NFIA: variants seen among roughly 807,000 people sequenced by gnomAD.
NFIA encodes the protein nuclear factor I A.
NFIA carries 8 observed loss-of-function variants against 62.8 expected under a neutral mutation model. That is an observed-to-expected ratio of 0.13 (90% CI 0.07 to 0.23). NFIA has a LOEUF of 0.23. Among genes scored for constraint, NFIA ranks in the 10% least tolerant of loss-of-function variants. The pLI is 1.00. For synonymous variants in NFIA, 235 were observed against 238.1 expected, an observed-to-expected ratio of 0.99 and a Z score of 0.12; for missense variants, 410 against 642.1, an observed-to-expected ratio of 0.64 and a Z score of 3.91.
At chr1:61,122,818 G>A (rs1156565836) in intron 2 of NFIA, among the ~76,000 whole-genome samples, 1 of 152,094 alleles carries the variant, frequency 6.6e-6, no homozygotes, top group Non-Finnish European at 1.5e-5. Flanking sequence ...GTGCAGGTTT[G>A]TTTCATAGGT....
chr1:61,181,376 C>T (rs767419579), intron 2 of NFIA, among the ~76,000 whole-genome samples: 2 of 152,178 alleles, frequency 1.3e-5, no homozygotes, highest in Non-Finnish European at 2.9e-5. Flanking sequence ...GAGGGAATTG[C>T]AAATAACATG....
chr1:61,196,288 G>C (rs1253638554), intron 2 of NFIA, among the ~76,000 whole-genome samples: 1 of 152,054 alleles, frequency 6.6e-6, no homozygotes, highest in East Asian at 1.9e-4. Flanking sequence ...TTTTTGCAGG[G>C]CAAAAATTTG....
intron 2 of NFIA, among the ~76,000 whole-genome samples, chr1:61,215,731 C>T (rs931213399): frequency 6.6e-6 from 1 of 152,160 alleles, no homozygotes; most frequent in Admixed American, 6.5e-5. Flanking sequence ...CTGTGGAAAT[C>T]AGCTAACTAC....
chr1:61,454,746 A>T (rs935753772), intron 10 of NFIA, among the ~76,000 whole-genome samples: 11 of 152,088 alleles, frequency 7.2e-5, no homozygotes, highest in Non-Finnish European at 1.3e-4. Context: ...ACCTCCACTT[A>T]TTCTTGTGTC....
At chr1:61,133,270 G>GTT (rs932007932) in intron 2 of NFIA, among the ~76,000 whole-genome samples, 1 of 146,032 alleles carries the variant, frequency 6.8e-6, no homozygotes, top group African/African-American at 2.5e-5. Flanking sequence ...AGTGGCTGGA[G>GTT]TTTTTTTTTT....
chr1:61,440,530 AGAGT>A, intron 10 of NFIA, among the ~76,000 whole-genome samples: 1 of 152,354 alleles, frequency 6.6e-6, no homozygotes, highest in South Asian at 2.1e-4. Context: ...TTTAAGATGA[AGAGT>A]GAGTGGCACT....
intron 6 of NFIA, among the ~76,000 whole-genome samples, chr1:61,370,809 T>C (rs1327098734): frequency 6.6e-6 from 1 of 152,174 alleles, no homozygotes; most frequent in Non-Finnish European, 1.5e-5. Context: ...ATCTTGTTCC[T>C]CATTTTGAAG....
At chr1:61,104,779 T>C (rs192988263) in intron 2 of NFIA, among the ~76,000 whole-genome samples, 181 of 152,034 alleles carry the variant, frequency 1.2e-3, no homozygotes, top group South Asian at 1.9e-3. Flanking sequence ...AAAACTAAGA[T>C]CTTAAAATTA....
intron 2 of NFIA, among the ~76,000 whole-genome samples, chr1:61,231,823 C>T (rs190154692): frequency 6.6e-6 from 1 of 151,546 alleles, no homozygotes; most frequent in Non-Finnish European, 1.5e-5. Context: ...CTGGGTAACA[C>T]AGAGAGACCA....
intron 4 of NFIA, among the ~76,000 whole-genome samples, chr1:61,344,536 G>A (rs1217184863): frequency 6.6e-6 from 1 of 152,146 alleles, no homozygotes; most frequent in Non-Finnish European, 1.5e-5. Flanking sequence ...ATTCCTCGGT[G>A]GCCATACAGA....
chr1:61,384,058 C>T (rs962309644), intron 7 of NFIA, among the ~76,000 whole-genome samples: 1 of 152,196 alleles, frequency 6.6e-6, no homozygotes, highest in Non-Finnish European at 1.5e-5. Context: ...CAGCAAATCA[C>T]TTAACTTGAT....
chr1:61,226,448 C>T (rs2100624681), intron 2 of NFIA, among the ~76,000 whole-genome samples: 1 of 152,248 alleles, frequency 6.6e-6, no homozygotes, highest in African/African-American at 2.4e-5. Context: ...ATTAGGAATT[C>T]ATAGTCACCT....
At position 61,413,615 on chromosome 1, in the gene NFIA, C is replaced by CTT. The variant is rs869258274; in HGVS notation, c.1420+6916_1420+6917dup. Reference sequence around the variant, plus strand: ...AAATTAACAACAACAAAGTATTTTGCTTTTTTTTTTTTTTTTTTTTTTTTT... The same window carrying CTT: ...AAATTAACAACAACAAAGTATTTTGCTTTTTTTTTTTTTTTTTTTTTTTTTTT... On this transcript the variant is annotated intron_variant, in intron 9 of 10. Transcript: ENST00000403491. Among the ~76,000 whole-genome samples, 19 of 68,374 alleles carry CTT rather than the reference C, an allele frequency of 2.8e-4. 1 individual carries two copies. Among genetic ancestry groups the CTT allele is most frequent in the Non-Finnish European group, 3.8e-4 (15 of 39,308 alleles). The allele number at this position is 68,374 out of a possible 152,430, so 44.9% of individuals were successfully genotyped here. A position where few individuals can be genotyped will look rare whatever the true frequency, so the allele number is the denominator to read the frequency against.
intron 2 of NFIA, among the ~76,000 whole-genome samples, chr1:61,190,028 T>C (rs1308699386): frequency 6.6e-6 from 1 of 152,244 alleles, no homozygotes; most frequent in South Asian, 2.1e-4. Context: ...TGAAATTAAA[T>C]GTGATATTAA....
intron 9 of NFIA, among the ~76,000 whole-genome samples, chr1:61,425,176 G>T (rs1666810562): frequency 6.6e-6 from 1 of 152,170 alleles, no homozygotes; most frequent in African/African-American, 2.4e-5. Flanking sequence ...CTGTTTGGGT[G>T]GCTTAGCTCT....
Position 61,230,581 on chromosome 1 carries a change from GT to G in NFIA, c.560-46938del, listed in dbSNP as rs1449282019. On this transcript the variant is annotated intron_variant, in intron 2 of 10. Transcript: ENST00000403491. ...AGACTTTGTAACCTCTTTACTCCCAGTCTTTCCCAATCATCTATCCCTTCAT... is the reference window on the plus strand; with the variant it reads ...AGACTTTGTAACCTCTTTACTCCCAGCTTTCCCAATCATCTATCCCTTCAT... Among the ~76,000 whole-genome samples, 4 of 152,174 alleles carry G rather than the reference GT, an allele frequency of 2.6e-5. No homozygotes were observed. In the East Asian group the frequency reaches 7.7e-4, roughly 29 times the overall value.
intron 6 of NFIA, among the ~76,000 whole-genome samples, chr1:61,379,402 C>CTATTTTTTTTTTTTTTTTTTTTT (rs1410203326): frequency 1.0e-5 from 1 of 98,264 alleles, no homozygotes; most frequent in Non-Finnish European, 2.0e-5. Flanking sequence ...TTTTCTTTTT[C>CTATTTTTTTTTTTTTTTTTTTTT]TTTTTTTTTT....
At chr1:61,274,749 A>T (rs1467529986) in intron 2 of NFIA, among the ~76,000 whole-genome samples, 1 of 152,214 alleles carries the variant, frequency 6.6e-6, no homozygotes, top group African/African-American at 2.4e-5. Flanking sequence ...TGAGAAAGAG[A>T]TCTTTCATTT....
At position 61,413,500 on chromosome 1, in the gene NFIA, C is replaced by G. The variant is rs139639709; in HGVS notation, c.1420+6773C>G. On this transcript the variant is annotated intron_variant, in intron 9 of 10. Transcript: ENST00000403491. ...AAATACAGGCCTTTCCATGCTCTTT[C>G]TACTACCTCATACTGTAACTGAACA... Among the ~76,000 whole-genome samples the G allele has an allele frequency of 1.1e-4, 17 of 151,880 alleles. No homozygotes were observed. The East Asian group carries it at 3.3e-3, about 29-fold the overall frequency.
Sources: allele counts gnomAD v4.1 joint callset (sites outside exome capture counted in the v4.1 genomes callset), GRCh38; gene constraint gnomAD v4.1.1; transcripts MANE v1.5; gene names NCBI Gene and HGNC (gene_info 2026-07-23, HGNC 2026-07-21).